ERBB4: variants seen among roughly 807,000 people sequenced by gnomAD.
ERBB4 encodes the protein erb-b2 receptor tyrosine kinase 4.
ERBB4 carries 42 observed loss-of-function variants against 158.0 expected under a neutral mutation model. The observed-to-expected ratio is 0.27, with a 90% confidence interval of 0.21 to 0.34. ERBB4 has a LOEUF of 0.34. Ranked by LOEUF, ERBB4 falls within the 10% of genes least tolerant of loss-of-function variation. ERBB4 has a pLI of 1.00. For synonymous variants in ERBB4, 583 were observed against 558.7 expected (o/e 1.04, Z -0.61); for missense variants, 1,333 against 1,624.1 (o/e 0.82, Z 3.08).
intron 20 of ERBB4, among the ~76,000 whole-genome samples, chr2:211,527,693 A>G (rs990148245): frequency 6.6e-6 from 1 of 152,030 alleles, no homozygotes; most frequent in Non-Finnish European, 1.5e-5. Context: ...AAATAACAAA[A>G]TGTTAAAAAG....
intron 2 of ERBB4, among the ~76,000 whole-genome samples, chr2:211,990,296 T>A (rs989451043): frequency 6.6e-6 from 1 of 151,936 alleles, no homozygotes; most frequent in South Asian, 2.1e-4. Flanking sequence ...GGGATTAAGA[T>A]AGTTAGGTCT....
intron 1 of ERBB4, among the ~76,000 whole-genome samples, chr2:212,459,435 G>GA (rs1406357819): frequency 6.6e-6 from 1 of 151,906 alleles, no homozygotes; most frequent in African/African-American, 2.4e-5. Context: ...AAGCACTGAT[G>GA]AAAAAAATTG....
chr2:211,580,873 A>AGTATG (rs1224774284), intron 19 of ERBB4, among the ~76,000 whole-genome samples: 79 of 938 alleles, frequency 0.084, 3 homozygotes, highest in Admixed American at 0.41. Flanking sequence ...ATACATATAT[A>AGTATG]TATATATATA....
intron 3 of ERBB4, among the ~76,000 whole-genome samples, chr2:211,926,183 T>C (rs1258977991): frequency 1.3e-5 from 2 of 152,138 alleles, no homozygotes; most frequent in African/African-American, 4.8e-5. Context: ...ACACGCATTA[T>C]TTTTCTTTCT....
chr2:212,343,775 T>C (rs2088838641), intron 1 of ERBB4, among the ~76,000 whole-genome samples: 1 of 152,208 alleles, frequency 6.6e-6, no homozygotes, highest in Non-Finnish European at 1.5e-5. Context: ...TGCAAACATT[T>C]CACTGGTTGA....
chr2:212,106,415 T>G (rs1054063887), intron 2 of ERBB4, among the ~76,000 whole-genome samples: 1 of 152,172 alleles, frequency 6.6e-6, no homozygotes, highest in Admixed American at 6.5e-5. Context: ...AGAGATAATT[T>G]AGGGTATCTG....
At chr2:212,388,441 G>A (rs1308081220) in intron 1 of ERBB4, among the ~76,000 whole-genome samples, 1 of 152,102 alleles carries the variant, frequency 6.6e-6, no homozygotes, top group Non-Finnish European at 1.5e-5. Context: ...CATACAGGCT[G>A]AATGCCTCAA....
At chr2:212,239,690 C>T (rs538815616) in intron 1 of ERBB4, among the ~76,000 whole-genome samples, 24 of 152,118 alleles carry the variant, frequency 1.6e-4, no homozygotes, top group Non-Finnish European at 2.9e-4. Flanking sequence ...TCTGTCTCCA[C>T]TTGAAAGCAC....
At chr2:212,427,468 G>A (rs1437740475) in intron 1 of ERBB4, among the ~76,000 whole-genome samples, 1 of 152,050 alleles carries the variant, frequency 6.6e-6, no homozygotes, top group African/African-American at 2.4e-5. Context: ...CTTATTTTGG[G>A]TTCCCTGTGA....
intron 12 of ERBB4, among the ~76,000 whole-genome samples, chr2:211,689,290 G>A (rs1028893551): frequency 6.6e-5 from 10 of 152,046 alleles, no homozygotes; most frequent in East Asian, 3.9e-4. Flanking sequence ...GACCTCCTGC[G>A]CTCAAGTGAT....
chr2:211,750,792 G>T, intron 4 of ERBB4, 88 bp from the exon 5 acceptor site: 1 of 1,073,960 alleles, frequency 9.3e-7, no homozygotes, highest in Non-Finnish European at 1.4e-6. Flanking sequence ...AAATACTCCT[G>T]CTCCTTTATG....
chr2:211,585,284 G>A lies in ERBB4; in HGVS notation c.2302-23196C>T, dbSNP rs145335958. On this transcript the variant is annotated intron_variant, in intron 19 of 27. Transcript: ENST00000342788. ...GGAGAATGGCGTGAACCTGGGAGGCGGAGCTTGTAGTGAGCGGAGATTGTG... is the reference window on the plus strand; with the variant it reads ...GGAGAATGGCGTGAACCTGGGAGGCAGAGCTTGTAGTGAGCGGAGATTGTG... Among the ~76,000 whole-genome samples, 783 of 150,986 alleles carry A rather than the reference G, an allele frequency of 5.2e-3. 8 individuals are homozygous for A. The highest frequency in any genetic ancestry group is 0.018 in the African/African-American group (741 of 41,138).
intron 1 of ERBB4, among the ~76,000 whole-genome samples, chr2:212,166,675 C>T (rs1214642931): frequency 6.6e-6 from 1 of 152,022 alleles, no homozygotes; most frequent in Admixed American, 6.6e-5. Context: ...AGGCATCACG[C>T]TACCTGACTT....
At chr2:212,251,699 A>T (rs927006547) in intron 1 of ERBB4, among the ~76,000 whole-genome samples, 1 of 151,996 alleles carries the variant, frequency 6.6e-6, no homozygotes, top group East Asian at 1.9e-4. Context: ...GTATTTTTTA[A>T]AAAAAAGGTT....
At chr2:211,791,160 G>T (rs6435670) in intron 3 of ERBB4, among the ~76,000 whole-genome samples, 39,852 of 151,742 alleles carry the variant, frequency 0.26, 5,596 homozygotes, top group African/African-American at 0.3. Flanking sequence ...TTGTTAGAAG[G>T]ACTGCCTAAT....
rs182431998 is a variant in ERBB4, at chr2:211,435,348, C to T, written c.2488-4248G>A. The stretch of plus-strand genomic sequence containing the variant: ...GACCCAGTACTTAGAACACAGCGGT[C>T]ATTAAAGTAAATGTTGCCACATTGG... On this transcript the variant is annotated intron_variant, in intron 20 of 27. Coordinates refer to ENST00000342788, the MANE Select transcript of ERBB4 (RefSeq NM_005235.3). Among the ~76,000 whole-genome samples the T allele has an allele frequency of 2.0e-5, 3 of 151,752 alleles. No homozygotes were observed. The East Asian group carries it at 5.8e-4, about 29-fold the overall frequency.
chr2:212,156,870 T>A (rs1340501071), intron 1 of ERBB4, among the ~76,000 whole-genome samples: 2 of 152,070 alleles, frequency 1.3e-5, no homozygotes, highest in Admixed American at 1.3e-4. Context: ...GTGAAAGTAA[T>A]TCACTTCCCG....
At chr2:211,835,284 A>G (rs1269485512) in intron 3 of ERBB4, among the ~76,000 whole-genome samples, 1 of 147,616 alleles carries the variant, frequency 6.8e-6, no homozygotes, top group Non-Finnish European at 1.5e-5. Flanking sequence ...ATCCAGATGA[A>G]TATTTAGAAA....
Position 211,485,557 on chromosome 2 carries a change from G to A in ERBB4, c.2488-54457C>T, listed in dbSNP as rs1038071683. Among the ~76,000 whole-genome samples the A allele has an allele frequency of 3.9e-5, 6 of 152,102 alleles. No homozygotes were observed. In the South Asian group the frequency reaches 1.0e-3, roughly 26 times the overall value. On this transcript the variant is annotated intron_variant, in intron 20 of 27. Coordinates refer to ENST00000342788, the MANE Select transcript of ERBB4 (RefSeq NM_005235.3). ...GGATCATTTTCTTCTCTCAAGTCCT[G>A]TAAGCCACTATTGTGAAACTTAGCC...
Sources: allele counts gnomAD v4.1 joint callset (sites outside exome capture counted in the v4.1 genomes callset), GRCh38; gene constraint gnomAD v4.1.1; transcripts MANE v1.5; gene names NCBI Gene and HGNC (gene_info 2026-07-23, HGNC 2026-07-21).